NXPE2: variants seen among roughly 807,000 people sequenced by gnomAD.
NXPE2 encodes the protein neurexophilin and PC-esterase domain family member 2, also known as NXPE family member 2.
Under a neutral mutation model 34.4 loss-of-function variants are expected in NXPE2, and 34 were observed. That is an observed-to-expected ratio of 0.99 (90% confidence interval 0.75 to 1.31). The LOEUF is 1.31. NXPE2 is among the 40% of genes most tolerant of loss of function. The probability of loss-of-function intolerance (pLI) is 0.00; values close to 1 mark genes in which losing one functional copy is unlikely to be tolerated. For missense variants in NXPE2, 649 were observed against 672.5 expected (o/e 0.97, Z 0.39); for synonymous variants, 235 against 231.3 (o/e 1.02, Z -0.15).
chr11:114,663,667 C>CT, the NXPE2 span, among the ~76,000 whole-genome samples: 15 of 84,560 alleles, frequency 1.8e-4, no homozygotes, highest in African/African-American at 3.9e-4. Flanking sequence ...ATTTATCTAT[C>CT]ATCTATCTAT....
the NXPE2 span, among the ~76,000 whole-genome samples, chr11:114,616,357 C>T: frequency 2.0e-5 from 3 of 147,658 alleles, no homozygotes; most frequent in Non-Finnish European, 4.5e-5. Flanking sequence ...TGTTGCCTCA[C>T]GTGTAACCAC....
the NXPE2 span, among the ~76,000 whole-genome samples, chr11:114,592,884 A>T: frequency 6.6e-6 from 1 of 152,194 alleles, no homozygotes; most frequent in Non-Finnish European, 1.5e-5. Context: ...ATTTACAGCC[A>T]TCTGGATTTT....
the NXPE2 span, among the ~76,000 whole-genome samples, chr11:114,774,883 G>A: frequency 6.6e-6 from 1 of 152,192 alleles, no homozygotes; most frequent in African/African-American, 2.4e-5. Context: ...GTGTCTATGA[G>A]GACTGTGCGC....
chr11:114,623,525 G>A, the NXPE2 span, among the ~76,000 whole-genome samples: 2 of 152,060 alleles, frequency 1.3e-5, no homozygotes, highest in Non-Finnish European at 2.9e-5. Context: ...TTCCCTCGTG[G>A]ATAAACACTG....
chr11:114,705,415 T>C (rs1181999422), intron 4 of NXPE2, among the ~76,000 whole-genome samples: 3 of 152,214 alleles, frequency 2.0e-5, no homozygotes, highest in Non-Finnish European at 4.4e-5. Context: ...GAGGCCAATG[T>C]CATTGGTGTA....
the NXPE2 span, among the ~76,000 whole-genome samples, chr11:114,647,695 A>T: frequency 6.9e-6 from 1 of 144,460 alleles, no homozygotes; most frequent in Non-Finnish European, 1.5e-5. Context: ...TGGGAGACTT[A>T]TTTTATTTTA....
At chr11:114,521,109 A>C in the NXPE2 span, among the ~76,000 whole-genome samples, 2 of 152,164 alleles carry the variant, frequency 1.3e-5, no homozygotes, top group African/African-American at 4.8e-5. Flanking sequence ...CATTAGCTGT[A>C]ATTCTTCCAA....
chr11:114,583,423 C>T, the NXPE2 span: 15 of 660,406 alleles, frequency 2.3e-5, no homozygotes, highest in African/African-American at 2.2e-4. Context: ...ATCACCCTCA[C>T]AAAGCCAATG....
At chr11:114,522,756 G>C in the NXPE2 span, 3 of 716,728 alleles carry the variant, frequency 4.2e-6, no homozygotes, top group South Asian at 3.8e-5. Context: ...AAATGTAAAG[G>C]TTCAAATCCA....
At chr11:114,799,075 A>T in the NXPE2 span, among the ~76,000 whole-genome samples, 1 of 152,246 alleles carries the variant, frequency 6.6e-6, no homozygotes, top group East Asian at 1.9e-4. Context: ...CCTTGCAATT[A>T]AATAAATGGG....
the NXPE2 span, among the ~76,000 whole-genome samples, chr11:114,784,695 C>T: frequency 1.3e-5 from 2 of 152,080 alleles, no homozygotes; most frequent in African/African-American, 2.4e-5. Context: ...GCTCTCTCTT[C>T]GAGAGCATTT....
At chr11:114,590,978 C>A in the NXPE2 span, among the ~76,000 whole-genome samples, 1 of 152,116 alleles carries the variant, frequency 6.6e-6, no homozygotes, top group Non-Finnish European at 1.5e-5. Flanking sequence ...ACTTTCCTCC[C>A]CAAGAAAACT....
At chr11:114,580,384 C>T in the NXPE2 span, 6 of 1,542,620 alleles carry the variant, frequency 3.9e-6, no homozygotes, top group Admixed American at 1.7e-5. Flanking sequence ...CATCAAATTA[C>T]CCGTCAGTAT....
At chr11:114,663,454 G>A in the NXPE2 span, among the ~76,000 whole-genome samples, 19 of 152,208 alleles carry the variant, frequency 1.2e-4, no homozygotes, top group South Asian at 3.3e-3. Flanking sequence ...GTCTTAGAAG[G>A]ACATGGTGGT....
At chr11:114,748,262 C>T in the NXPE2 span, among the ~76,000 whole-genome samples, 2 of 152,042 alleles carry the variant, frequency 1.3e-5, no homozygotes, top group African/African-American at 4.8e-5. Context: ...GAGTAAATTG[C>T]CTATGTGTTG....
chr11:114,641,087 A>C, the NXPE2 span, among the ~76,000 whole-genome samples: 1 of 152,028 alleles, frequency 6.6e-6, no homozygotes, highest in African/African-American at 2.4e-5. Flanking sequence ...TGGTCTGAAA[A>C]GTATAATAAC....
the NXPE2 span, among the ~76,000 whole-genome samples, chr11:114,636,948 G>A: frequency 1.3e-5 from 2 of 152,122 alleles, no homozygotes; most frequent in African/African-American, 4.8e-5. Context: ...TGTTGATTTG[G>A]GGTGGAGAGT....
the NXPE2 span, among the ~76,000 whole-genome samples, chr11:114,646,127 A>G: frequency 1.3e-5 from 2 of 152,090 alleles, no homozygotes; most frequent in South Asian, 4.2e-4. Context: ...TCTCATTTTT[A>G]TATGCTGGCC....
the NXPE2 span, among the ~76,000 whole-genome samples, chr11:114,723,167 G>A: frequency 2.6e-5 from 4 of 152,086 alleles, no homozygotes; most frequent in Non-Finnish European, 4.4e-5. Context: ...GATTGGAGAC[G>A]GTAACCAGGG....
Sources: gnomAD v4.1 joint callset for allele counts (sites outside exome capture counted in the v4.1 genomes callset) on GRCh38, gnomAD v4.1.1 for gene constraint, MANE v1.5 for transcripts, NCBI Gene and HGNC (gene_info 2026-07-23, HGNC 2026-07-21) for gene names.